The following SHCBP1L variants were observed in gnomAD, a reference collection of about 807,000 sequenced individuals.
The protein encoded by SHCBP1L is testicular spindle-associated protein SHCBP1L.
Under a neutral mutation model 62.5 loss-of-function variants are expected in SHCBP1L, and 67 were observed. That is an observed-to-expected ratio of 1.07 (90% CI 0.88 to 1.31). The LOEUF (loss-of-function observed/expected upper bound fraction) is 1.31, where lower values mean the gene tolerates loss of function less well. Ranked by LOEUF, SHCBP1L falls within the 40% of genes most tolerant of loss-of-function variation. SHCBP1L has a pLI of 0.00. For missense variants in SHCBP1L, 823 were observed against 809.8 expected (o/e 1.02, Z -0.20); for synonymous variants, 284 against 289.4 (o/e 0.98, Z 0.19).
chr1:182,921,942 G>C (rs184944629), intron 6 of SHCBP1L, among the ~76,000 whole-genome samples: 1 of 152,184 alleles, frequency 6.6e-6, no homozygotes, highest in Non-Finnish European at 1.5e-5. Context: ...AAAGCAAAAA[G>C]ATGGAGAAAA....
intron 1 of SHCBP1L, 166 bp downstream of exon 1, chr1:182,952,563 T>C: frequency 1.3e-6 from 1 of 791,448 alleles, no homozygotes; most frequent in Non-Finnish European, 1.9e-6. Context: ...CGGGCACCTC[T>C]AACAAGGTGA....
intron 5 of SHCBP1L, among the ~76,000 whole-genome samples, chr1:182,937,652 T>C (rs1032266242): frequency 6.6e-6 from 1 of 152,230 alleles, no homozygotes; most frequent in Non-Finnish European, 1.5e-5. Flanking sequence ...CAATTACACA[T>C]ATGTTAACAC....
chr1:182,919,456 T>C (rs887905323), intron 6 of SHCBP1L, among the ~76,000 whole-genome samples: 2 of 152,188 alleles, frequency 1.3e-5, no homozygotes, highest in Non-Finnish European at 2.9e-5. Context: ...CCTATCCTCT[T>C]GAAATACCTC....
Position 182,899,922 on chromosome 1 carries a change from A to G in SHCBP1L, c.*61T>C. On this transcript the variant is annotated 3_prime_UTR_variant, in exon 10 of 10. Transcript: ENST00000367547. The stretch of plus-strand genomic sequence containing the variant: ...ATTGAAACTACCATTTCAGTGGGGT[A>G]TGAGAATCATGTATTAAACAAATTT... The G allele has an allele frequency of 1.4e-6, 2 of 1,391,138 alleles. No individual in the cohort carries two copies. The highest frequency in any genetic ancestry group is 4.8e-5 in the East Asian group (2 of 41,382). The allele number at this position is 1,391,138 out of a possible 1,614,324, so 86.2% of individuals were successfully genotyped here. A position where few individuals can be genotyped will look rare whatever the true frequency, so the allele number is the denominator to read the frequency against.
At chr1:182,930,551 GTATATA>G (rs10536791) in intron 5 of SHCBP1L, among the ~76,000 whole-genome samples, 3,235 of 49,350 alleles carry the variant, frequency 0.066, 155 homozygotes, top group East Asian at 0.095. Flanking sequence ...TAGTGTGTGT[GTATATA>G]TATATATATA....
At chr1:182,924,695 GGAAAGGAA>G (rs1650623642) in intron 6 of SHCBP1L, among the ~76,000 whole-genome samples, 3 of 76,856 alleles carry the variant, frequency 3.9e-5, no homozygotes, top group Non-Finnish European at 5.3e-5. Context: ...GGAAAGGAAA[GGAAAGGAA>G]GAAAGAAAGA....
At chr1:182,911,129 A>G (rs1362098201) in intron 6 of SHCBP1L, among the ~76,000 whole-genome samples, 1 of 152,138 alleles carries the variant, frequency 6.6e-6, no homozygotes, top group African/African-American at 2.4e-5. Context: ...GCCTCAAGTG[A>G]TCTGCCTGCC....
rs762299457 is a variant in SHCBP1L at position 182,939,322 on chromosome 1, A to G, written c.930T>C (p.Tyr310=). 14 of 1,613,826 alleles carry G rather than the reference A, an allele frequency of 8.7e-6. No homozygotes were observed. The highest frequency in any genetic ancestry group is 1.1e-5 in the South Asian group (1 of 91,080). ...AQRFKKTLEK[Y]KNKRVELIEY... ...CAATGAGCTCGACACGTTTGTTTTT[A>G]TATTTCTCCAAAGTTTTTTTAAAAC... is the stretch of plus-strand genomic sequence containing the variant. The change falls in exon 5 of 10, where the codon TAT becomes TAC. Residue 310 remains tyrosine (Y), a synonymous_variant. Coordinates refer to ENST00000367547, the MANE Select transcript of SHCBP1L (RefSeq NM_030933.4).
intron 7 of SHCBP1L, 117 bp from the exon 8 acceptor site, chr1:182,904,547 G>T (rs1649949864): frequency 7.6e-6 from 6 of 790,066 alleles, no homozygotes; most frequent in Non-Finnish European, 1.2e-5. Context: ...GTGTGTGTGT[G>T]TGTGTGTGTG....
chr1:182,902,811 T>G (rs1383925295), intron 9 of SHCBP1L, among the ~76,000 whole-genome samples: 1 of 152,192 alleles, frequency 6.6e-6, no homozygotes, highest in African/African-American at 2.4e-5. Flanking sequence ...TCTATCCCAT[T>G]TCTCATATTC....
chr1:182,924,942 G>GAAAGA (rs1284420657), intron 6 of SHCBP1L, among the ~76,000 whole-genome samples: 8 of 104,634 alleles, frequency 7.6e-5, no homozygotes, highest in Non-Finnish European at 1.3e-4. Context: ...AAGGAAGAAA[G>GAAAGA]AAAGAAAGAA....
At chr1:182,921,505 C>A (rs1238399008) in intron 6 of SHCBP1L, among the ~76,000 whole-genome samples, 1 of 152,176 alleles carries the variant, frequency 6.6e-6, no homozygotes, top group Non-Finnish European at 1.5e-5. Context: ...CAAATCTGCA[C>A]ATATTAATAT....
chr1:182,951,289 A>T, intron 2 of SHCBP1L, 29 bp downstream of exon 2: 4 of 1,453,528 alleles, frequency 2.8e-6, no homozygotes, highest in Non-Finnish European at 3.7e-6. Context: ...TGATTCAAAA[A>T]GAACAAAGAT....
At chr1:182,925,636 G>GC (rs1410371958) in intron 6 of SHCBP1L, among the ~76,000 whole-genome samples, 3 of 152,186 alleles carry the variant, frequency 2.0e-5, no homozygotes, top group Non-Finnish European at 4.4e-5. Flanking sequence ...AAATGTTTCA[G>GC]CCCCTGTGAA....
chr1:182,908,091 T>C (rs1462746974), intron 6 of SHCBP1L, among the ~76,000 whole-genome samples: 1 of 152,208 alleles, frequency 6.6e-6, no homozygotes, highest in Admixed American at 6.5e-5. Context: ...GATTTTGTCA[T>C]TATATCACCT....
At chr1:182,925,028 GAGGAAGGGAAGGAAGGGAAGAAAGGGA>G (rs1650695921) in intron 6 of SHCBP1L, among the ~76,000 whole-genome samples, 1 of 140,024 alleles carries the variant, frequency 7.1e-6, no homozygotes, top group Admixed American at 7.1e-5. Context: ...GGAGGAAGGG[GAGGAAGGGAAGGAAGGGAAGAAAGGGA>G]AGGAAGGGAA....
intron 6 of SHCBP1L, among the ~76,000 whole-genome samples, chr1:182,926,668 C>T (rs1021043874): frequency 2.0e-5 from 3 of 151,892 alleles, no homozygotes; most frequent in South Asian, 2.1e-4. Context: ...CACACTATAC[C>T]GTCTCCAGAT....
In SHCBP1L at chr1:182,952,873, C is replaced by T. The variant is rs1245984515; in HGVS notation, c.261G>A (p.Ala87=). Residue 87 remains alanine, a synonymous_variant, in exon 1 of 10, where the codon GCG becomes GCA. Transcript: ENST00000367547. Reference sequence around the variant, plus strand: ...CTGGCAGCAGGGGCTCCTCCGCCGCCGCCGCCGCCGCCTCTCCCGTGTCCT... The same window carrying T: ...CTGGCAGCAGGGGCTCCTCCGCCGCTGCCGCCGCCGCCTCTCCCGTGTCCT... ...QAEDTGEAAA[A]AAEEPLLPVP... The T allele has an allele frequency of 6.3e-7, 1 of 1,592,584 alleles. No individual in the cohort carries two copies. Among genetic ancestry groups the T allele is most frequent in the East Asian group, 2.3e-5 (1 of 43,364 alleles).
chr1:182,924,860 G>T (rs1650664761), intron 6 of SHCBP1L, among the ~76,000 whole-genome samples: 1 of 143,986 alleles, frequency 6.9e-6, no homozygotes, highest in Non-Finnish European at 1.5e-5. Context: ...AGGGAGGAAG[G>T]AAGGAAGGAA....
Sources: gnomAD v4.1 joint callset for allele counts (sites outside exome capture counted in the v4.1 genomes callset) on GRCh38, gnomAD v4.1.1 for gene constraint, MANE v1.5 for transcripts, NCBI Gene and HGNC (gene_info 2026-07-23, HGNC 2026-07-21) for gene names.